The following TAAR2 variants were observed in gnomAD, a reference collection of about 807,000 sequenced individuals.
TAAR2 encodes trace amine associated receptor 2, also known as trace amine-associated receptor 2.
TAAR2 carries 30 observed loss-of-function variants against 25.5 expected under a neutral mutation model. That is an observed-to-expected ratio of 1.18 (90% CI 0.88 to 1.60). The LOEUF is 1.60. Among genes scored for constraint, TAAR2 ranks in the 40% most tolerant of loss-of-function variants. TAAR2 has a pLI of 0.00. For missense variants in TAAR2, 481 were observed against 416.5 expected (o/e 1.15, Z -1.35); for synonymous variants, 150 against 142.4 (o/e 1.05, Z -0.38).
intron 1 of TAAR2, 66 bp downstream of exon 1, chr6:132,624,150 C>G: frequency 6.8e-7 from 1 of 1,461,258 alleles, no homozygotes; most frequent in Non-Finnish European, 9.6e-7. Context: ...AAATAATTCA[C>G]ATGTTTATGC....
At chr6:132,623,706 GAA>G (rs5880137) in intron 1 of TAAR2, among the ~76,000 whole-genome samples, 3 of 140,512 alleles carry the variant, frequency 2.1e-5, no homozygotes, top group Non-Finnish European at 1.5e-5. Context: ...ATCTGAAAGT[GAA>G]AAAAAAAAAA....
chr6:132,622,550 A>G (rs1777388911), intron 1 of TAAR2, among the ~76,000 whole-genome samples: 1 of 131,124 alleles, frequency 7.6e-6, no homozygotes, highest in Non-Finnish European at 1.5e-5. Flanking sequence ...CAATGGTGCA[A>G]TCTCGGCTCA....
rs373440827 is a variant in TAAR2 at position 132,617,739 on chromosome 6, G to C, written c.467C>G (p.Thr156Ser). 6.2e-7 allele frequency: 1 copy of C among 1,613,892 alleles called. No individual in the cohort carries two copies. Among genetic ancestry groups the C allele is most frequent in the African/African-American group, 1.3e-5 (1 of 74,930 alleles). The stretch of plus-strand genomic sequence containing the variant: ...TAGCAATCTTTTAATGACTGGAATA[G>C]TTATTTTGGTGGAATAAAGTAATGG... The part of the protein sequence containing the change: ...CYPLLYSTKI[T>S]IPVIKRLLLL... The change falls in exon 2 of 2, where the codon ACT (threonine) becomes AGT (serine). Residue 156 changes from threonine to serine, a missense_variant. Thr to Ser is a moderately conservative substitution (Grantham distance 58). Coordinates refer to ENST00000367931, the MANE Select transcript of TAAR2 (RefSeq NM_001033080.1).
chr6:132,619,024 A>C (rs556199482), intron 1 of TAAR2, among the ~76,000 whole-genome samples: 8 of 152,338 alleles, frequency 5.3e-5, no homozygotes, highest in African/African-American at 1.7e-4. Flanking sequence ...TCTATAAGGC[A>C]AATCATGAAT....
rs1757618279 is a variant in TAAR2, at chr6:132,618,016, T to A, written c.190A>T (p.Met64Leu). ...IFITIFGNLAMIISISYFKQL... is the reference protein window; with the variant it reads ...IFITIFGNLALIISISYFKQL... ...TTGAAGTAGGAAATGGAAATTATCA[T>A]GGCAAGATTGCCAAATATTGTGATG... The change falls in exon 2 of 2, where the codon ATG becomes TTG. Residue 64 changes from methionine (M) to leucine (L), a missense_variant. By Grantham distance (15) the Met-to-Leu change is conservative. Transcript: ENST00000367931. The A allele has an allele frequency of 6.2e-7, 1 of 1,614,058 alleles. No homozygotes were observed. The highest frequency in any genetic ancestry group is 8.5e-7 in the Non-Finnish European group (1 of 1,179,968).
intron 1 of TAAR2, among the ~76,000 whole-genome samples, chr6:132,619,201 G>C (rs911076037): frequency 1.2e-4 from 19 of 152,114 alleles, no homozygotes; most frequent in Admixed American, 1.1e-3. Flanking sequence ...ATGAGCAGAG[G>C]GCTAGAGAAC....
At chr6:132,618,582 G>A (rs1777333342) in intron 1 of TAAR2, among the ~76,000 whole-genome samples, 1 of 152,074 alleles carries the variant, frequency 6.6e-6, no homozygotes, top group Admixed American at 6.5e-5. Flanking sequence ...GGAGGTTGCA[G>A]TGAGCCGAGA....
intron 1 of TAAR2, among the ~76,000 whole-genome samples, chr6:132,623,926 G>A (rs1562196429): frequency 6.6e-6 from 1 of 152,040 alleles, no homozygotes; most frequent in East Asian, 1.9e-4. Context: ...AACCACACAT[G>A]GATGGGACCT....
chr6:132,618,079 G>A lies in TAAR2; in HGVS notation c.127C>T (p.Arg43Ter), dbSNP rs140468873. 2.0e-4 allele frequency: 318 copies of A among 1,613,656 alleles called. 2 individuals are homozygous for A. In the African/African-American group the frequency reaches 2.4e-3, roughly 12 times the overall value. Residue 43 changes from arginine (R) to a stop codon, truncating the protein, a stop_gained, in exon 2 of 2, where the codon CGA (arginine) becomes TGA (stop). Coordinates refer to ENST00000367931, the MANE Select transcript of TAAR2 (RefSeq NM_001033080.1). LOFTEE classifies it high-confidence loss of function. ...GCCATAAATGAATACATAGCCACTCGGACACCCAGAGATCTTTCATTTTCT... is the reference window on the plus strand; with the variant it reads ...GCCATAAATGAATACATAGCCACTCAGACACCCAGAGATCTTTCATTTTCT... ...CPENERSLGV[R>*]VAMYSFMAGS... is the part of the protein sequence containing the mutation.
rs184913356 is a variant in TAAR2, at chr6:132,618,151, A to G, written c.61-6T>C. On this transcript the variant is annotated splice_polypyrimidine_tract_variant and splice_region_variant and intron_variant, in intron 1 of 1. Coordinates refer to ENST00000367931, the MANE Select transcript of TAAR2 (RefSeq NM_001033080.1). The stretch of plus-strand genomic sequence containing the variant: ...TCAGAGCAATTGAATTTTTCCTTCA[A>G]AAAACAAGAACAGATAGAATTTTGT... 8.2e-4 allele frequency: 1,271 copies of G among 1,556,852 alleles called. 4 individuals carry two copies. In the African/African-American group the frequency reaches 0.016, roughly 19 times the overall value.
rs746428524 is a variant in TAAR2 at position 132,617,434 on chromosome 6, T to C, written c.772A>G (p.Lys258Glu). The change falls in exon 2 of 2, where the codon AAA becomes GAA. Residue 258 changes from lysine to glutamate, a missense_variant. Lys to Glu is a moderately conservative substitution (Grantham distance 56, BLOSUM62 1). Transcript: ENST00000367931. ...ENQNNQVKKD[K>E]KAAKTLGIVI... ...ATTCCTAAAGTTTTGGCAGCTTTTT[T>C]GTCTTTCTTCACTTGATTATTTTGA... is the stretch of plus-strand genomic sequence containing the variant. The C allele has an allele frequency of 4.3e-6, 7 of 1,613,636 alleles. No homozygotes were observed. In the Middle Eastern group the frequency reaches 4.9e-4, roughly 114 times the overall value.
Position 132,617,168 on chromosome 6 carries a change from C to T in TAAR2, c.1038G>A (p.Met346Ile). 6.3e-7 allele frequency: 1 copy of T among 1,579,200 alleles called. No individual in the cohort carries two copies. The highest frequency in any genetic ancestry group is 2.2e-5 in the East Asian group (1 of 44,476). ...AAAAAGCCTACTCACTTTCTTTTTG[C>T]ATACACAAAATAGTATTATGGAAAC... ...SSCFHNTILC[M>I]QKESE is the part of the protein sequence containing the mutation. Residue 346 changes from methionine (M) to isoleucine (I), a missense_variant, in exon 2 of 2, where the codon ATG becomes ATA. Met to Ile is a conservative substitution (Grantham distance 10). Coordinates refer to ENST00000367931, the MANE Select transcript of TAAR2 (RefSeq NM_001033080.1).
intron 1 of TAAR2, among the ~76,000 whole-genome samples, chr6:132,620,101 AT>A (rs531631360): frequency 7.2e-4 from 109 of 152,302 alleles, no homozygotes; most frequent in African/African-American, 2.6e-3. Context: ...TTGGGTAATG[AT>A]TTTTTTAAAT....
Position 132,617,280 on chromosome 6 carries a change from G to A in TAAR2, c.926C>T (p.Thr309Ile). ...GAAACCATATATTAACGGATTACAT[G>A]TGGAGTTAAAATAGCCAAACCATGT... ...ALTWFGYFNS[T>I]CNPLIYGFFY... Residue 309 changes from threonine to isoleucine, a missense_variant, in exon 2 of 2, where the codon ACA (threonine) becomes ATA (isoleucine). Physicochemically the swap from Thr to Ile is moderately conservative, Grantham distance 89. Transcript: ENST00000367931. 6.2e-7 allele frequency: 1 copy of A among 1,613,776 alleles called. No homozygotes were observed. Among genetic ancestry groups the A allele is most frequent in the Non-Finnish European group, 8.5e-7 (1 of 1,179,912 alleles).
intron 1 of TAAR2, among the ~76,000 whole-genome samples, chr6:132,619,598 C>T (rs906590346): frequency 6.6e-6 from 1 of 152,132 alleles, no homozygotes. Context: ...AAGAAGAAAG[C>T]ATGAAGGTCA....
intron 1 of TAAR2, among the ~76,000 whole-genome samples, chr6:132,620,990 C>G (rs1777364377): frequency 6.6e-6 from 1 of 151,666 alleles, no homozygotes; most frequent in Non-Finnish European, 1.5e-5. Flanking sequence ...ACCTACTGAC[C>G]AGTTAGGCAT....
chr6:132,624,236 T>C lies in TAAR2; in HGVS notation c.40A>G (p.Lys14Glu). The change falls in exon 1 of 2, where the codon AAA (lysine) becomes GAA (glutamate). Residue 14 changes from lysine to glutamate, a missense_variant. Transcript: ENST00000367931. Reference sequence around the variant, plus strand: ...CCTACCTTTTTTGTCTGTGTTCTTTTGAAATGTGAAAGTTCATGTTGCTCT... The same window carrying C: ...CCTACCTTTTTTGTCTGTGTTCTTTCGAAATGTGAAAGTTCATGTTGCTCT... ...SSEQHELSHF[K>E]RTQTKKEKFN... 6.2e-7 allele frequency: 1 copy of C among 1,613,516 alleles called. No homozygotes were observed. The highest frequency in any genetic ancestry group is 8.5e-7 in the Non-Finnish European group (1 of 1,179,688).
chr6:132,622,336 A>T (rs1037134343), intron 1 of TAAR2, among the ~76,000 whole-genome samples: 6 of 150,594 alleles, frequency 4.0e-5, no homozygotes, highest in Non-Finnish European at 7.4e-5. Flanking sequence ...TATTATTATT[A>T]TTTTTTCTTT....
chr6:132,619,720 A>C (rs1777350103), intron 1 of TAAR2, among the ~76,000 whole-genome samples: 1 of 152,198 alleles, frequency 6.6e-6, no homozygotes, highest in South Asian at 2.1e-4. Flanking sequence ...CACCTGACCA[A>C]AAAGAGATCC....
Sources: allele counts gnomAD v4.1 joint callset (sites outside exome capture counted in the v4.1 genomes callset), GRCh38; gene constraint gnomAD v4.1.1; transcripts MANE v1.5; gene names NCBI Gene and HGNC (gene_info 2026-07-23, HGNC 2026-07-21).